The following STPG2 variants were observed in gnomAD, a reference collection of about 807,000 sequenced individuals.
STPG2 encodes sperm-tail PG-rich repeat-containing protein 2.
A neutral mutation model predicts 54.2 loss-of-function variants in STPG2; 56 were observed. The ratio of observed to expected loss-of-function variants is 1.03; its 90% CI spans 0.83 to 1.29. The LOEUF is 1.29. STPG2 is among the 50% of genes most tolerant of loss of function. The pLI, the probability that STPG2 is intolerant of heterozygous loss-of-function variation, is 0.00. For synonymous variants in STPG2, 200 were observed against 181.8 expected (o/e 1.10, Z -0.81); for missense variants, 596 against 544.9 (o/e 1.09, Z -0.93).
At chr4:97,800,595 G>C (rs577255599) in intron 9 of STPG2, among the ~76,000 whole-genome samples, 21 of 152,290 alleles carry the variant, frequency 1.4e-4, no homozygotes, top group African/African-American at 5.1e-4. Flanking sequence ...TGCCCCTAAT[G>C]GGGGGTGCCT....
In STPG2 at chr4:97,972,362, C is replaced by T. The variant is rs1224044132; in HGVS notation, c.851G>A (p.Ser284Asn). ...RNICSKKQKKSAFGSSVPRTF... is the reference protein window; with the variant it reads ...RNICSKKQKKNAFGSSVPRTF... The stretch of plus-strand genomic sequence containing the variant: ...CCGAGGAACAGAAGAACCAAATGCA[C>T]TTTTCTTCTGTTTCTTTGAGCAGAT... Residue 284 changes from serine to asparagine, a missense_variant, in exon 7 of 11, where the codon AGT becomes AAT. Transcript: ENST00000295268. 2 of 1,609,872 alleles carry T rather than the reference C, an allele frequency of 1.2e-6. No individual in the cohort carries two copies. Among genetic ancestry groups the T allele is most frequent in the South Asian group, 1.1e-5 (1 of 90,580 alleles).
intron 10 of STPG2, among the ~76,000 whole-genome samples, chr4:97,634,910 C>T (rs1446130373): frequency 6.6e-6 from 1 of 152,142 alleles, no homozygotes; most frequent in Non-Finnish European, 1.5e-5. Context: ...AGTTGGAAAA[C>T]ACTCTGCAGG....
At chr4:97,532,243 A>C (rs1578366992) in intron 4 of STPG2, among the ~76,000 whole-genome samples, 1 of 152,108 alleles carries the variant, frequency 6.6e-6, no homozygotes, top group African/African-American at 2.4e-5. Flanking sequence ...TTCATAGTTC[A>C]ATATATGTTT....
chr4:97,875,097 A>T (rs1730127201), intron 8 of STPG2, among the ~76,000 whole-genome samples: 1 of 151,972 alleles, frequency 6.6e-6, no homozygotes, highest in Admixed American at 6.6e-5. Flanking sequence ...ATGAACATTT[A>T]GATTGTTTCC....
chr4:97,730,234 T>C (rs1443026462), intron 9 of STPG2, among the ~76,000 whole-genome samples: 1 of 152,158 alleles, frequency 6.6e-6, no homozygotes, highest in African/African-American at 2.4e-5. Context: ...AAATCCCACA[T>C]ACAAGTGAGA....
chr4:97,479,000 A>T (rs1410232622), intron 4 of STPG2, among the ~76,000 whole-genome samples: 1 of 151,496 alleles, frequency 6.6e-6, no homozygotes, highest in Non-Finnish European at 1.5e-5. Context: ...ATTAATAATA[A>T]TTGGATCCCT....
chr4:97,957,382 A>G (rs76478919), intron 7 of STPG2, among the ~76,000 whole-genome samples: 1 of 151,390 alleles, frequency 6.6e-6, no homozygotes, highest in Non-Finnish European at 1.5e-5. Context: ...AAAGACAAAG[A>G]AAAAAAATAA....
At chr4:97,688,114 A>T (rs1028052252) in intron 10 of STPG2, among the ~76,000 whole-genome samples, 10 of 152,236 alleles carry the variant, frequency 6.6e-5, no homozygotes, top group Non-Finnish European at 1.2e-4. Flanking sequence ...TCTTTAGTAA[A>T]TTTCTAAAAG....
chr4:98,139,856 C>G (rs1177392606), intron 1 of STPG2, among the ~76,000 whole-genome samples: 1 of 152,106 alleles, frequency 6.6e-6, no homozygotes, highest in Non-Finnish European at 1.5e-5. Context: ...ATATGTGGCT[C>G]ATTATATTTT....
rs1057358761 is a variant in STPG2 at position 97,551,450 on chromosome 4, T to A, written c.462+161249A>T. On this transcript the variant is annotated intron_variant, in intron 4 of 4. Coordinates refer to the STPG2 transcript ENST00000522676. ...TAATGTGTACAAAGCTCTATCTATA[T>A]GAAATAGGGCTTTCAGTTTACTCAG... 2.3e-4 allele frequency among the ~76,000 whole-genome samples: 35 copies of A among 152,368 alleles called. 1 individual carries two copies. Among genetic ancestry groups the A allele is most frequent in the African/African-American group, 7.5e-4 (31 of 41,592 alleles).
chr4:98,125,599 T>G, intron 3 of STPG2, among the ~76,000 whole-genome samples: 1 of 152,090 alleles, frequency 6.6e-6, no homozygotes, highest in East Asian at 1.9e-4. Flanking sequence ...CACTCCTGTA[T>G]GAGGTGTCTG....
At chr4:97,824,063 A>G (rs1461976801) in intron 9 of STPG2, among the ~76,000 whole-genome samples, 1 of 152,094 alleles carries the variant, frequency 6.6e-6, no homozygotes, top group African/African-American at 2.4e-5. Context: ...GCTGACGGCT[A>G]TGGGTGGCAG....
At chr4:97,580,093 T>C (rs2148890175) in intron 10 of STPG2, among the ~76,000 whole-genome samples, 1 of 152,074 alleles carries the variant, frequency 6.6e-6, no homozygotes, top group South Asian at 2.1e-4. Context: ...TGTAATAAAC[T>C]ATACTAATTA....
intron 2 of STPG2, among the ~76,000 whole-genome samples, chr4:98,129,961 G>A (rs1324331779): frequency 2.0e-5 from 3 of 151,868 alleles, no homozygotes; most frequent in Non-Finnish European, 2.9e-5. Context: ...GGGTTCAAGC[G>A]ATTCTCCTGC....
chr4:98,048,428 A>C (rs1000677708), intron 5 of STPG2: 3 of 152,264 alleles, frequency 2.0e-5, no homozygotes, highest in Non-Finnish European at 4.4e-5. Context: ...AGGCTTTTTG[A>C]TGCAGAAAAC....
At chr4:97,959,875 C>T (rs1175752256) in intron 7 of STPG2, among the ~76,000 whole-genome samples, 1 of 152,004 alleles carries the variant, frequency 6.6e-6, no homozygotes, top group Non-Finnish European at 1.5e-5. Context: ...AATACCAAAA[C>T]ATGGAAAGGA....
At chr4:97,691,488 A>G (rs995561166) in intron 10 of STPG2, among the ~76,000 whole-genome samples, 1 of 151,922 alleles carries the variant, frequency 6.6e-6, no homozygotes, top group Non-Finnish European at 1.5e-5. Context: ...TGTACTGGGA[A>G]CCACAACTCC....
At chr4:97,448,237 T>G (rs1729276669) in intron 4 of STPG2, among the ~76,000 whole-genome samples, 1 of 152,212 alleles carries the variant, frequency 6.6e-6, no homozygotes, top group Non-Finnish European at 1.5e-5. Context: ...GGACTTACCT[T>G]GTCTCAAATG....
chr4:97,721,978 A>C (rs1479519167), intron 9 of STPG2, among the ~76,000 whole-genome samples: 2 of 152,026 alleles, frequency 1.3e-5, no homozygotes, highest in South Asian at 4.1e-4. Flanking sequence ...TAAAAACACC[A>C]AAGAATGTTG....
Sources: allele counts gnomAD v4.1 joint callset (sites outside exome capture counted in the v4.1 genomes callset), GRCh38; gene constraint gnomAD v4.1.1; transcripts MANE v1.5; gene names NCBI Gene and HGNC (gene_info 2026-07-23, HGNC 2026-07-21).